The following RPS6KC1 variants were observed in gnomAD, a reference collection of about 807,000 sequenced individuals.
The protein encoded by RPS6KC1 is ribosomal protein S6 kinase C1.
RPS6KC1 carries 54 observed loss-of-function variants against 103.8 expected under a neutral mutation model. The observed-to-expected ratio is 0.52, with a 90% confidence interval of 0.42 to 0.65. The LOEUF (loss-of-function observed/expected upper bound fraction) is 0.65, where lower values mean the gene tolerates loss of function less well. RPS6KC1 is among the 30% of genes least tolerant of loss of function. The probability of loss-of-function intolerance (pLI) is 0.00; values close to 1 mark genes in which losing one functional copy is unlikely to be tolerated. For missense variants in RPS6KC1, 1,151 were observed against 1,253.8 expected (o/e 0.92, Z 1.24); for synonymous variants, 439 against 438.7 (o/e 1.00, Z -0.01).
At chr1:213,760,009 C>G in the RPS6KC1 span, among the ~76,000 whole-genome samples, 1 of 152,170 alleles carries the variant, frequency 6.6e-6, no homozygotes, top group Non-Finnish European at 1.5e-5. Flanking sequence ...CCCCTCGTTC[C>G]CTGCAATGTC....
the RPS6KC1 span, among the ~76,000 whole-genome samples, chr1:213,548,227 A>C: frequency 1.3e-5 from 2 of 152,242 alleles, no homozygotes; most frequent in Non-Finnish European, 2.9e-5. Context: ...TGGGCAAAGA[A>C]ATTTTAGAAA....
At chr1:213,541,903 G>A in the RPS6KC1 span, among the ~76,000 whole-genome samples, 2 of 152,142 alleles carry the variant, frequency 1.3e-5, no homozygotes, top group Non-Finnish European at 2.9e-5. Flanking sequence ...GTGGAGCAGG[G>A]AATCTCCAGT....
the RPS6KC1 span, among the ~76,000 whole-genome samples, chr1:213,357,908 G>A: frequency 1.8e-4 from 28 of 152,248 alleles, no homozygotes; most frequent in Middle Eastern, 3.4e-3. Flanking sequence ...CTTGGCATGA[G>A]GCATACGAAT....
chr1:213,117,247 T>G (rs971044501), intron 4 of RPS6KC1, 70 bp from the exon 5 acceptor site: 7 of 861,026 alleles, frequency 8.1e-6, no homozygotes, highest in Non-Finnish European at 1.1e-5. Context: ...TTAATTGGGA[T>G]AACTATTTTT....
chr1:213,799,757 A>G, the RPS6KC1 span, among the ~76,000 whole-genome samples: 1 of 152,234 alleles, frequency 6.6e-6, no homozygotes, highest in African/African-American at 2.4e-5. Flanking sequence ...AGGGGTAGGT[A>G]AGCCATGATG....
At chr1:213,738,066 T>C in the RPS6KC1 span, among the ~76,000 whole-genome samples, 1 of 152,174 alleles carries the variant, frequency 6.6e-6, no homozygotes, top group African/African-American at 2.4e-5. Context: ...AGGGCCTCAC[T>C]TCCCCAAAGT....
intron 6 of RPS6KC1, among the ~76,000 whole-genome samples, chr1:213,144,405 A>G (rs1318209443): frequency 6.6e-6 from 1 of 152,018 alleles, no homozygotes; most frequent in Admixed American, 6.6e-5. Flanking sequence ...CCTTCAGAGT[A>G]GCTGGGATTA....
At chr1:213,157,991 A>T (rs568085233) in intron 6 of RPS6KC1, among the ~76,000 whole-genome samples, 15 of 152,240 alleles carry the variant, frequency 9.9e-5, no homozygotes, top group African/African-American at 3.6e-4. Context: ...GTTCTCTCTT[A>T]TGATTACTTT....
chr1:213,082,873 A>G (rs2080029289), intron 3 of RPS6KC1, among the ~76,000 whole-genome samples: 1 of 152,218 alleles, frequency 6.6e-6, no homozygotes, highest in Admixed American at 6.5e-5. Context: ...AATGTTTTTT[A>G]AGACCTTAGA....
the RPS6KC1 span, among the ~76,000 whole-genome samples, chr1:213,369,404 G>C: frequency 1.3e-5 from 2 of 152,238 alleles, no homozygotes; most frequent in Admixed American, 6.5e-5. Context: ...GCCCCTGACA[G>C]CTACCAAAGA....
the RPS6KC1 span, among the ~76,000 whole-genome samples, chr1:213,338,477 G>A: frequency 6.6e-5 from 10 of 152,240 alleles, no homozygotes; most frequent in Non-Finnish European, 1.3e-4. Context: ...AGTGAGCTAT[G>A]TATTAAACTT....
At chr1:213,370,618 G>A in the RPS6KC1 span, among the ~76,000 whole-genome samples, 2 of 152,186 alleles carry the variant, frequency 1.3e-5, no homozygotes, top group Admixed American at 6.5e-5. Flanking sequence ...CTGAGCCAGA[G>A]CCCTGAGAGG....
the RPS6KC1 span, among the ~76,000 whole-genome samples, chr1:213,356,439 G>A: frequency 1.3e-5 from 2 of 152,054 alleles, no homozygotes; most frequent in Admixed American, 6.5e-5. Context: ...CAGATCACCT[G>A]AGGTCAGGAG....
intron 4 of RPS6KC1, among the ~76,000 whole-genome samples, chr1:213,107,555 T>C (rs893353204): frequency 1.3e-5 from 2 of 152,242 alleles, no homozygotes; most frequent in Non-Finnish European, 2.9e-5. Context: ...ATTGATAAAT[T>C]GATGGACATG....
the RPS6KC1 span, among the ~76,000 whole-genome samples, chr1:213,680,770 C>T: frequency 1.3e-5 from 2 of 151,984 alleles, no homozygotes; most frequent in Non-Finnish European, 2.9e-5. Context: ...AGATGCTGCT[C>T]AGGGACTTTT....
chr1:213,382,887 A>G, the RPS6KC1 span, among the ~76,000 whole-genome samples: 2 of 152,234 alleles, frequency 1.3e-5, no homozygotes, highest in Non-Finnish European at 2.9e-5. Flanking sequence ...ATGGTCTGGC[A>G]AAATGGATTG....
At chr1:213,232,695 A>G (rs1398489547) in intron 10 of RPS6KC1, among the ~76,000 whole-genome samples, 5 of 152,198 alleles carry the variant, frequency 3.3e-5, no homozygotes, top group Non-Finnish European at 7.4e-5. Context: ...AACATTTGAC[A>G]TTACCTAGTC....
chr1:213,258,870 G>C (rs984285452), intron 12 of RPS6KC1, among the ~76,000 whole-genome samples: 2 of 152,182 alleles, frequency 1.3e-5, no homozygotes, highest in Non-Finnish European at 2.9e-5. Flanking sequence ...ATGGGGGTGA[G>C]GGTTATGTAT....
At chr1:213,561,649 A>G in the RPS6KC1 span, among the ~76,000 whole-genome samples, 35 of 152,298 alleles carry the variant, frequency 2.3e-4, no homozygotes, top group South Asian at 1.4e-3. Context: ...TTCTGGGATC[A>G]GTGCCCTTTT....
Sources: gnomAD v4.1 joint callset for allele counts (sites outside exome capture counted in the v4.1 genomes callset) on GRCh38, gnomAD v4.1.1 for gene constraint, MANE v1.5 for transcripts, NCBI Gene and HGNC (gene_info 2026-07-23, HGNC 2026-07-21) for gene names.